RCBTB1: variants seen among roughly 807,000 people sequenced by gnomAD.
RCBTB1 encodes the protein RCC1 and BTB domain containing protein 1.
In RCBTB1, 46 loss-of-function variants were observed where a neutral mutation model predicts 62.4. The ratio of observed to expected loss-of-function variants is 0.74; its 90% CI spans 0.58 to 0.94. The LOEUF is 0.94. Among genes scored for constraint, RCBTB1 ranks in the 40% least tolerant of loss-of-function variants. The probability of loss-of-function intolerance (pLI) is 0.00; values close to 1 mark genes in which losing one functional copy is unlikely to be tolerated. For synonymous variants in RCBTB1, 222 were observed against 245.8 expected, an observed-to-expected ratio of 0.90 and a Z score of 0.91; for missense variants, 565 against 654.9, an observed-to-expected ratio of 0.86 and a Z score of 1.50.
In RCBTB1 at chr13:49,551,227, A is replaced by G. The variant is rs569433961; in HGVS notation, c.854+99T>C. 8.6e-5 allele frequency: 119 copies of G among 1,383,284 alleles called. No individual in the cohort carries two copies. The African/African-American group carries it at 1.3e-3, about 16-fold the overall frequency. The allele number at this position is 1,383,284 out of a possible 1,614,324, so 85.7% of individuals were successfully genotyped here. On this transcript the variant is annotated intron_variant, in intron 8 of 12. Transcript: ENST00000378302. ...TTTTGTCCAAAATGAGAATGTTAAT[A>G]AACAGAAGAATCACAAAGCCAAACA...
At chr13:49,563,236 C>T (rs971357354) in intron 4 of RCBTB1, among the ~76,000 whole-genome samples, 1 of 145,610 alleles carries the variant, frequency 6.9e-6, no homozygotes, top group Admixed American at 7.2e-5. Flanking sequence ...CTCATCTCTA[C>T]AAAAAAATTT....
At chr13:49,538,756 T>TAC (rs778771027) in intron 12 of RCBTB1, among the ~76,000 whole-genome samples, 60 of 112,776 alleles carry the variant, frequency 5.3e-4, no homozygotes, top group East Asian at 2.6e-3. Flanking sequence ...AATATATATA[T>TAC]ATACACACAC....
At chr13:49,540,211 G>A (rs770351640) in intron 12 of RCBTB1, among the ~76,000 whole-genome samples, 6 of 152,140 alleles carry the variant, frequency 3.9e-5, no homozygotes, top group Non-Finnish European at 7.4e-5. Context: ...TATGTGCCAG[G>A]CACTATAGGG....
chr13:49,568,928 G>A (rs1000097121), intron 2 of RCBTB1, among the ~76,000 whole-genome samples: 3 of 152,046 alleles, frequency 2.0e-5, no homozygotes, highest in Non-Finnish European at 2.9e-5. Flanking sequence ...ACTCTGTCTC[G>A]AAAATAAAAA....
At chr13:49,542,166 A>G (rs912996854) in intron 10 of RCBTB1, among the ~76,000 whole-genome samples, 9 of 151,016 alleles carry the variant, frequency 6.0e-5, no homozygotes, top group Non-Finnish European at 1.2e-4. Flanking sequence ...GCGAGCCGAG[A>G]TTGCGCTTCT....
At chr13:49,564,935 C>G (rs962998196) in intron 4 of RCBTB1, among the ~76,000 whole-genome samples, 5 of 151,962 alleles carry the variant, frequency 3.3e-5, no homozygotes, top group Non-Finnish European at 7.4e-5. Context: ...CCAAAGGAAC[C>G]CTGAAAGTTG....
At chr13:49,569,867 C>T (rs367646872) in intron 2 of RCBTB1, among the ~76,000 whole-genome samples, 30 of 152,148 alleles carry the variant, frequency 2.0e-4, no homozygotes, top group East Asian at 1.7e-3. Flanking sequence ...GAGATCACAA[C>T]GCTGCACTCT....
intron 11 of RCBTB1, 116 bp from the exon 12 acceptor site, chr13:49,541,122 G>A: frequency 2.5e-6 from 2 of 801,770 alleles, no homozygotes; most frequent in Non-Finnish European, 3.7e-6. Flanking sequence ...TAGTGGATAA[G>A]ATTCTGAATT....
intron 2 of RCBTB1, among the ~76,000 whole-genome samples, chr13:49,572,252 G>A (rs141981677): frequency 0.015 from 2,302 of 151,504 alleles, 59 homozygotes; most frequent in African/African-American, 0.052. Flanking sequence ...GTTTGAACCT[G>A]GGAGGTGGAG....
intron 7 of RCBTB1, among the ~76,000 whole-genome samples, chr13:49,551,890 ACTCCGT>A (rs1465121264): frequency 1.0e-5 from 1 of 96,332 alleles, no homozygotes; most frequent in Non-Finnish European, 2.0e-5. Flanking sequence ...ACAGAGGGAG[ACTCCGT>A]CTCAAAAAAA....
In RCBTB1 at chr13:49,551,443, A is replaced by G. The variant is rs762764086; in HGVS notation, c.737T>C (p.Leu246Pro). The change falls in exon 8 of 13, where the codon CTA (leucine) becomes CCA (proline). Residue 246 changes from leucine (L) to proline (P), a missense_variant. Leu to Pro is a moderately conservative substitution (Grantham distance 98). Coordinates refer to ENST00000378302, the MANE Select transcript of RCBTB1 (RefSeq NM_018191.4). ...CAGCAAGCCCTCATCTGTTAGTGCT[A>G]GAGTATGTGCGTAACCGCAGACAAT... ...NQIVCGYAHT[L>P]ALTDEGLLYA... The G allele has an allele frequency of 1.9e-6, 3 of 1,614,228 alleles. No homozygotes were observed. The highest frequency in any genetic ancestry group is 2.2e-5 in the South Asian group (2 of 91,082).
At chr13:49,548,699 T>A (rs1403314790) in intron 9 of RCBTB1, among the ~76,000 whole-genome samples, 2 of 151,850 alleles carry the variant, frequency 1.3e-5, no homozygotes, top group Non-Finnish European at 2.9e-5. Flanking sequence ...GCCAGACACA[T>A]GGGTCACATA....
At chr13:49,534,754 C>A (rs1959805591) in intron 12 of RCBTB1, among the ~76,000 whole-genome samples, 1 of 152,232 alleles carries the variant, frequency 6.6e-6, no homozygotes, top group South Asian at 2.1e-4. Context: ...AAAATCCCAG[C>A]CGGGCACGGT....
intron 9 of RCBTB1, chr13:49,545,977 C>G (rs932097246): frequency 4.1e-6 from 2 of 487,820 alleles, no homozygotes; most frequent in African/African-American, 4.2e-5. Context: ...AGCCCTCCCT[C>G]CACCCCATGC....
chr13:49,577,581 A>G (rs1361093501), intron 2 of RCBTB1, among the ~76,000 whole-genome samples: 10 of 152,192 alleles, frequency 6.6e-5, no homozygotes, highest in Non-Finnish European at 1.3e-4. Context: ...CTACCTTTAG[A>G]TCTGGCTTCT....
At position 49,565,672 on chromosome 13, in the gene RCBTB1, G is replaced by A. The variant is rs1250355995; in HGVS notation, c.277+946C>T. Among the ~76,000 whole-genome samples, 97 of 88,090 alleles carry A rather than the reference G, an allele frequency of 1.1e-3. 15 individuals are homozygous for A. Among genetic ancestry groups the A allele is most frequent in the African/African-American group, 7.1e-3 (92 of 12,870 alleles). 57.8% of individuals were successfully genotyped at this position (88,090 alleles called of 152,430 possible). A position where few individuals can be genotyped will look rare whatever the true frequency, so the allele number is the denominator to read the frequency against. On this transcript the variant is annotated intron_variant, in intron 4 of 12. Coordinates refer to ENST00000378302, the MANE Select transcript of RCBTB1 (RefSeq NM_018191.4). Reference sequence around the variant, plus strand: ...AGGAGCGTCTCTGCCCGGCCGCCCCGTCTGAGAAGTGAGGAGCCCCTCCAC... The same window carrying A: ...AGGAGCGTCTCTGCCCGGCCGCCCCATCTGAGAAGTGAGGAGCCCCTCCAC...
intron 6 of RCBTB1, 44 bp downstream of exon 6, chr13:49,555,471 T>C: frequency 1.3e-6 from 2 of 1,516,704 alleles, no homozygotes; most frequent in Non-Finnish European, 1.8e-6. Context: ...GACGTGTAAT[T>C]GAAAAAGAAG....
At position 49,574,138 on chromosome 13, in the gene RCBTB1, G is replaced by A. The variant is rs1267288760; in HGVS notation, c.-42+6367C>T. Among the ~76,000 whole-genome samples, 4 of 137,436 alleles carry A rather than the reference G, an allele frequency of 2.9e-5. No individual in the cohort carries two copies. The East Asian group carries it at 6.7e-4, about 23-fold the overall frequency. 90.2% of individuals were successfully genotyped at this position (137,436 alleles called of 152,430 possible). A position where few individuals can be genotyped will look rare whatever the true frequency, so the allele number is the denominator to read the frequency against. On this transcript the variant is annotated intron_variant, in intron 2 of 12. Transcript: ENST00000378302. The stretch of plus-strand genomic sequence containing the variant: ...ATTTCTTTTTTTGGGGGTGGGGGGT[G>A]GACAGAGTCTCACTCTGTTGCCCAG...
Position 49,551,143 on chromosome 13 carries a change from G to A in RCBTB1, c.854+183C>T, listed in dbSNP as rs557330869. 4.5e-4 allele frequency: 248 copies of A among 552,604 alleles called. 3 individuals are homozygous for A. The South Asian group carries it at 5.7e-3, about 13-fold the overall frequency. The allele number at this position is 552,604 out of a possible 1,614,324, so 34.2% of individuals were successfully genotyped here. Reference sequence around the variant, plus strand: ...AAGGGAAGGGGGGAGGGAGAAGGGGGAAGGGGGAAGCAGGGAGGGAGAAGG... The same window carrying A: ...AAGGGAAGGGGGGAGGGAGAAGGGGAAAGGGGGAAGCAGGGAGGGAGAAGG... On this transcript the variant is annotated intron_variant, in intron 8 of 12. Coordinates refer to ENST00000378302, the MANE Select transcript of RCBTB1 (RefSeq NM_018191.4).
Sources: gnomAD v4.1 joint callset for allele counts (sites outside exome capture counted in the v4.1 genomes callset) on GRCh38, gnomAD v4.1.1 for gene constraint, MANE v1.5 for transcripts, NCBI Gene and HGNC (gene_info 2026-07-23, HGNC 2026-07-21) for gene names.